The following CCDC38 variants were observed in gnomAD, a reference collection of about 807,000 sequenced individuals.
The protein encoded by CCDC38 is coiled-coil domain-containing protein 38.
Under a neutral mutation model 72.8 loss-of-function variants are expected in CCDC38, and 69 were observed. The ratio of observed to expected loss-of-function variants is 0.95; its 90% CI spans 0.78 to 1.16. CCDC38 has a LOEUF of 1.16. CCDC38 is among the 50% of genes most tolerant of loss of function. CCDC38 has a pLI of 0.00. For synonymous variants in CCDC38, 201 were observed against 213.2 expected (o/e 0.94, Z 0.50); for missense variants, 626 against 638.9 (o/e 0.98, Z 0.22).
chr12:95,870,124 T>G (rs1399387878), intron 14 of CCDC38, among the ~76,000 whole-genome samples: 1 of 152,200 alleles, frequency 6.6e-6, no homozygotes, highest in Non-Finnish European at 1.5e-5. Context: ...AATAGCTACT[T>G]GAATTAACTT....
chr12:95,928,326 C>T lies in CCDC38; in HGVS notation c.37+8147G>A, dbSNP rs546658918. ...GCTGATACCCTTTCTTCCAGTTGAT[C>T]GCATCAGCTCCTGAGGCTTCTGCAT... On this transcript the variant is annotated intron_variant, in intron 2 of 15. Coordinates refer to ENST00000344280, the MANE Select transcript of CCDC38 (RefSeq NM_182496.3). 3.9e-3 allele frequency among the ~76,000 whole-genome samples: 599 copies of T among 152,296 alleles called. 1 individual carries two copies. The highest frequency in any genetic ancestry group is 0.014 in the Middle Eastern group (4 of 294).
chr12:95,886,825 T>C (rs2079764979), intron 10 of CCDC38, among the ~76,000 whole-genome samples: 1 of 152,170 alleles, frequency 6.6e-6, no homozygotes, highest in Admixed American at 6.5e-5. Context: ...GGACCCCACA[T>C]ACAATGCTAG....
intron 1 of CCDC38, among the ~76,000 whole-genome samples, chr12:95,937,874 C>A (rs1477162094): frequency 6.6e-6 from 1 of 152,116 alleles, no homozygotes; most frequent in Non-Finnish European, 1.5e-5. Flanking sequence ...CAAAAAAGAA[C>A]AAAAACTATT....
rs374831670 is a variant in CCDC38 at position 95,923,812 on chromosome 12, G to A, written c.38-4836C>T. Among the ~76,000 whole-genome samples, 212 of 147,550 alleles carry A rather than the reference G, an allele frequency of 1.4e-3. 4 individuals are homozygous for A. In the East Asian group the frequency reaches 0.038, roughly 27 times the overall value. ...GTGGTGTTTGGTTTTTTGTTCTTGC[G>A]ATAGTTTACTGAGAATGATGATTTC... On this transcript the variant is annotated intron_variant, in intron 2 of 15. Transcript: ENST00000344280.
In CCDC38 at chr12:95,888,500, G is replaced by A; in HGVS notation, c.878C>T (p.Pro293Leu). 6.2e-7 allele frequency: 1 copy of A among 1,614,048 alleles called. No homozygotes were observed. The highest frequency in any genetic ancestry group is 8.5e-7 in the Non-Finnish European group (1 of 1,179,998). The change falls in exon 10 of 16, where the codon CCA (proline) becomes CTA (leucine). Residue 293 changes from proline (P) to leucine (L), a missense_variant. By Grantham distance (98) the Pro-to-Leu change is moderately conservative. Coordinates refer to ENST00000344280, the MANE Select transcript of CCDC38 (RefSeq NM_182496.3). Reference sequence around the variant, plus strand: ...TGGAGTGCGAGTCAGGCTTCTGCTTGGCTTTCCTGTTCAAAATGTCCAGGT... The same window carrying A: ...TGGAGTGCGAGTCAGGCTTCTGCTTAGCTTTCCTGTTCAAAATGTCCAGGT... ...ASQGRDSQGKPSRSLTRTPEK... is the reference protein window; with the variant it reads ...ASQGRDSQGKLSRSLTRTPEK...
At chr12:95,889,782 G>A (rs923332457) in intron 9 of CCDC38, among the ~76,000 whole-genome samples, 2 of 152,170 alleles carry the variant, frequency 1.3e-5, no homozygotes, top group Non-Finnish European at 2.9e-5. Flanking sequence ...AAAGCAACTG[G>A]AGAGATCAGA....
Position 95,879,718 on chromosome 12 carries a change from C to A in CCDC38, c.1068G>T (p.Leu356Phe), listed in dbSNP as rs1013059695. The A allele has an allele frequency of 6.2e-7, 1 of 1,611,256 alleles. No homozygotes were observed. Among genetic ancestry groups the A allele is most frequent in the Non-Finnish European group, 8.5e-7 (1 of 1,177,680 alleles). Residue 356 changes from leucine (L) to phenylalanine (F), a missense_variant, in exon 12 of 16, where the codon TTG becomes TTT. By Grantham distance (22) the Leu-to-Phe change is conservative. Coordinates refer to ENST00000344280, the MANE Select transcript of CCDC38 (RefSeq NM_182496.3). The surrounding 1 kb of genome is among the most constrained non-coding windows in gnomAD (Gnocchi z 5.5). ...CATCTACATCTTGGGAATATTGAAA[C>A]AAAGTAAGATTCTGCTCTTCCAGCT... Reference protein sequence around the residue: ...LRELEEQNLTLFQYSQDVDEN... With the variant: ...LRELEEQNLTFFQYSQDVDEN...
chr12:95,937,553 G>A (rs2080406426), intron 1 of CCDC38, among the ~76,000 whole-genome samples: 1 of 152,100 alleles, frequency 6.6e-6, no homozygotes, highest in Non-Finnish European at 1.5e-5. Context: ...GGGGATAAAG[G>A]ACACCCAGGA....
rs1253592510 is a variant in CCDC38, at chr12:95,907,492, G to A, written c.305-1041C>T. Among the ~76,000 whole-genome samples, 7 of 117,880 alleles carry A rather than the reference G, an allele frequency of 5.9e-5. No homozygotes were observed. The East Asian group carries it at 1.6e-3, about 28-fold the overall frequency. 77.3% of individuals were successfully genotyped at this position (117,880 alleles called of 152,430 possible). On this transcript the variant is annotated intron_variant, in intron 4 of 15. Transcript: ENST00000344280. ...TCCCTCCCGGATGGGGCGGCTGGCC[G>A]GGCAGAGGGGCTCCTCACTTCCCAG...
At chr12:95,892,656 G>T (rs991293760) in intron 8 of CCDC38, among the ~76,000 whole-genome samples, 6 of 145,910 alleles carry the variant, frequency 4.1e-5, no homozygotes, top group Admixed American at 7.0e-5. Flanking sequence ...TGCAACCTCC[G>T]CCTCCCAGGT....
upstream of CCDC38, chr12:95,943,230 C>T: frequency 3.0e-6 from 2 of 660,252 alleles, no homozygotes; most frequent in Non-Finnish European, 4.7e-6. Flanking sequence ...GATTACCGCC[C>T]CCGTTGCTGT....
intron 2 of CCDC38, among the ~76,000 whole-genome samples, chr12:95,923,298 G>C (rs1043033703): frequency 6.6e-6 from 1 of 151,928 alleles, no homozygotes; most frequent in Non-Finnish European, 1.5e-5. Flanking sequence ...CTTCTTATTG[G>C]TTCTGTTTTT....
intron 5 of CCDC38, among the ~76,000 whole-genome samples, chr12:95,900,021 G>A (rs1438709841): frequency 8.5e-5 from 13 of 152,162 alleles, no homozygotes; most frequent in Admixed American, 8.5e-4. Flanking sequence ...CAATCATGAG[G>A]ATTTCTGAGG....
intron 8 of CCDC38, among the ~76,000 whole-genome samples, chr12:95,893,202 A>G (rs139744862): frequency 2.6e-5 from 4 of 152,164 alleles, no homozygotes; most frequent in Non-Finnish European, 5.9e-5. Flanking sequence ...TGAAAACATG[A>G]CGTAGCTTTC....
intron 14 of CCDC38, among the ~76,000 whole-genome samples, 153 bp downstream of exon 14, chr12:95,872,102 A>C (rs1406865539): frequency 6.6e-6 from 1 of 152,134 alleles, no homozygotes; most frequent in Non-Finnish European, 1.5e-5. Flanking sequence ...TCCCATGCTA[A>C]ATAATAGCTA....
chr12:95,895,178 A>G (rs201611775), intron 7 of CCDC38, 32 bp from the exon 8 acceptor site: 216 of 1,530,736 alleles, frequency 1.4e-4, no homozygotes, highest in Admixed American at 2.6e-4. Context: ...ATGATTAGGT[A>G]TATCAGTGTG....
intron 2 of CCDC38, among the ~76,000 whole-genome samples, chr12:95,930,139 G>A (rs1289790730): frequency 6.6e-6 from 1 of 152,118 alleles, no homozygotes; most frequent in Non-Finnish European, 1.5e-5. Flanking sequence ...CATTTGTGGA[G>A]GGCCACTATT....
At chr12:95,873,351 A>G (rs2079602026) in intron 13 of CCDC38, among the ~76,000 whole-genome samples, 2 of 152,138 alleles carry the variant, frequency 1.3e-5, no homozygotes, top group East Asian at 1.9e-4. Flanking sequence ...GCATTCTCAG[A>G]AAAAAAAGTT....
intron 2 of CCDC38, among the ~76,000 whole-genome samples, chr12:95,926,716 C>A (rs11108341): frequency 0.43 from 64,219 of 149,876 alleles, 14,110 homozygotes; most frequent in Admixed American, 0.54. Context: ...GCTTTGGATG[C>A]GTCCCAGAGA....
Sources: gnomAD v4.1 joint callset for allele counts (sites outside exome capture counted in the v4.1 genomes callset) on GRCh38, gnomAD v4.1.1 for gene constraint, Gnocchi (gnomAD v3.1) non-coding constraint, MANE v1.5 for transcripts, NCBI Gene and HGNC (gene_info 2026-07-23, HGNC 2026-07-21) for gene names.